KCTD1: variants seen among roughly 807,000 people sequenced by gnomAD.
KCTD1 encodes potassium channel tetramerization domain containing 1.
Under a neutral mutation model 66.0 loss-of-function variants are expected in KCTD1, and 24 were observed. The ratio of observed to expected loss-of-function variants is 0.36; its 90% CI spans 0.26 to 0.51. The LOEUF (loss-of-function observed/expected upper bound fraction) is 0.51. Among genes scored for constraint, KCTD1 ranks in the 20% least tolerant of loss-of-function variants. The probability of loss-of-function intolerance (pLI) is 0.95; values close to 1 mark genes in which losing one functional copy is unlikely to be tolerated. For synonymous variants in KCTD1, 511 were observed against 517.2 expected (o/e 0.99, Z 0.16); for missense variants, 943 against 1,205.2 (o/e 0.78, Z 3.22).
intron 1 of KCTD1, among the ~76,000 whole-genome samples, chr18:26,584,726 C>T (rs1048546551): frequency 2.0e-5 from 3 of 152,050 alleles, no homozygotes; most frequent in Admixed American, 6.5e-5. Context: ...AGGGGGCTCC[C>T]GACCACACTG....
upstream of KCTD1, among the ~76,000 whole-genome samples, chr18:26,632,037 G>A (rs1438923326): frequency 6.6e-6 from 1 of 151,410 alleles, no homozygotes; most frequent in East Asian, 1.9e-4. Context: ...GTGACAGAGT[G>A]AGACTCCGTC....
At chr18:26,545,489 G>A (rs1985169130) in intron 1 of KCTD1, 1 of 152,094 alleles carries the variant, frequency 6.6e-6, no homozygotes, top group African/African-American at 2.4e-5. Context: ...CCATTAGCTG[G>A]TAAACGTTTG....
rs200667773 is a variant in KCTD1 at position 26,556,653 on chromosome 18, G to A, written c.-15-55403C>T. On this transcript the variant is annotated intron_variant, in intron 1 of 4. Transcript: ENST00000317932. ...AACGTTTAGTGAATGCTTGCTGTGG[G>A]CCTAGGTTTTTACATTAACACTCTC... is the stretch of plus-strand genomic sequence containing the variant. 6.6e-5 allele frequency among the ~76,000 whole-genome samples: 10 copies of A among 152,258 alleles called. No individual in the cohort carries two copies. The East Asian group carries it at 1.9e-3, about 29-fold the overall frequency.
At chr18:26,578,062 T>TTTCTTTC (rs1567999120) in intron 1 of KCTD1, among the ~76,000 whole-genome samples, 1 of 145,520 alleles carries the variant, frequency 6.9e-6, no homozygotes, top group Admixed American at 6.8e-5. Context: ...TCTTTCTTTT[T>TTTCTTTC]TTTTTTTTTT....
At chr18:26,629,734 T>C (rs930256510), upstream of KCTD1, among the ~76,000 whole-genome samples, 1 of 151,384 alleles carries the variant, frequency 6.6e-6, no homozygotes, top group Non-Finnish European at 1.5e-5. Context: ...CTTTTTTTTT[T>C]TTTGACAGAA....
chr18:26,625,199 T>A (rs922694583), intron 1 of KCTD1, among the ~76,000 whole-genome samples: 1 of 152,204 alleles, frequency 6.6e-6, no homozygotes, highest in African/African-American at 2.4e-5. Context: ...GACTTTGGGT[T>A]AATGCTGGAA....
chr18:26,455,847 C>T lies in KCTD1; in HGVS notation c.2494G>A (p.Gly832Arg). ...GFEIVGSCGG[G>R]VDSSQFSEYV... The stretch of plus-strand genomic sequence containing the variant: ...TCGCTGAACTGGGACGAGTCTACTC[C>T]TCCCCCACAGGAGCCCACGATTTCA... The change falls in exon 5 of 5, where the codon GGA becomes AGA. Residue 832 changes from glycine to arginine, a missense_variant. Physicochemically the swap from Gly to Arg is moderately radical, Grantham distance 125. Transcript: ENST00000580059. 6.2e-7 allele frequency: 1 copy of T among 1,614,162 alleles called. No individual in the cohort carries two copies. Among genetic ancestry groups the T allele is most frequent in the Non-Finnish European group, 8.5e-7 (1 of 1,179,994 alleles).
At chr18:26,604,342 G>A (rs1986964552) in intron 1 of KCTD1, among the ~76,000 whole-genome samples, 1 of 152,166 alleles carries the variant, frequency 6.6e-6, no homozygotes, top group African/African-American at 2.4e-5. Flanking sequence ...ATTGTGGAAA[G>A]CAGTATGGCA....
At chr18:26,545,403 G>A (rs79992243) in intron 1 of KCTD1, 1 of 152,174 alleles carries the variant, frequency 6.6e-6, no homozygotes, top group African/African-American at 2.4e-5. Context: ...TAGCCTACAG[G>A]TCTTGTGTAT....
At chr18:26,491,118 A>T (rs1982177100) in intron 2 of KCTD1, among the ~76,000 whole-genome samples, 1 of 152,154 alleles carries the variant, frequency 6.6e-6, no homozygotes, top group Admixed American at 6.5e-5. Context: ...GAGTGTATGC[A>T]TGCATGCGTG....
rs1567989013 is a variant in KCTD1, at chr18:26,547,515, T to C, written c.1022A>G (p.Asp341Gly). 3 of 1,551,520 alleles carry C rather than the reference T, an allele frequency of 1.9e-6. No individual in the cohort carries two copies. The highest frequency in any genetic ancestry group is 2.6e-6 in the Non-Finnish European group (3 of 1,146,978). The change falls in exon 1 of 5, where the codon GAC (aspartate) becomes GGC (glycine). Residue 341 changes from aspartate to glycine, a missense_variant. Transcript: ENST00000580059. ...EDSFGLAMDE[D>G]GRKFVYFKSL... ...CTTGAAGTAGACGAACTTGCGACCG[T>C]CCTCGTCCATGGCCAGCCCAAAAGA... is the stretch of plus-strand genomic sequence containing the variant.
chr18:26,617,849 AAGGGAGGGAGGG>A (rs56029109), intron 1 of KCTD1, among the ~76,000 whole-genome samples: 66,461 of 104,422 alleles, frequency 0.64, 20,520 homozygotes, highest in Middle Eastern at 0.76. Context: ...GGAAGGAAGG[AAGGGAGGGAGGG>A]AGGGAGGGAG....
rs1050124118 is a variant in KCTD1 at position 26,599,469 on chromosome 18, G to A, written c.-16+29678C>T. 36 of 1,610,626 alleles carry A rather than the reference G, an allele frequency of 2.2e-5. No homozygotes were observed. In the African/African-American group the frequency reaches 4.4e-4, roughly 20 times the overall value. Reference sequence around the variant, plus strand: ...AGTGGTCTGGGATAAGTCATCCCCAGTGGAGGCTCTGAAAGGTCTGGTGGA... The same window carrying A: ...AGTGGTCTGGGATAAGTCATCCCCAATGGAGGCTCTGAAAGGTCTGGTGGA... On this transcript the variant is annotated intron_variant, in intron 1 of 4. Coordinates refer to the KCTD1 transcript ENST00000317932.
Position 26,548,514 on chromosome 18 carries a change from C to T in KCTD1, c.23G>A (p.Gly8Glu). 8.0e-7 allele frequency: 1 copy of T among 1,243,712 alleles called. No individual in the cohort carries two copies. The highest frequency in any genetic ancestry group is 1.0e-6 in the Non-Finnish European group (1 of 999,572). The allele number at this position is 1,243,712 out of a possible 1,614,324, so 77.0% of individuals were successfully genotyped here. Residue 8 changes from glycine to glutamate, a missense_variant, in exon 1 of 5, where the codon GGG (glycine) becomes GAG (glutamate). Around this residue, in one of 10 missense-constraint regions of KCTD1, gnomAD observed 236 missense variants for 206.6 expected, o/e 1.14. Coordinates refer to ENST00000580059, the MANE Select transcript of KCTD1 (RefSeq NM_001142730.3). MARMPGS[G>E]DCNTSAGGSA... The stretch of plus-strand genomic sequence containing the variant: ...GCCGCCCGCGCTGGTGTTACAGTCC[C>T]CGCTGCCAGGCATTCTCGCCATATT...
intron 1 of KCTD1, among the ~76,000 whole-genome samples, chr18:26,654,220 C>T (rs901783776): frequency 6.6e-6 from 1 of 152,136 alleles, no homozygotes; most frequent in Non-Finnish European, 1.5e-5. Flanking sequence ...ATTACTCTTA[C>T]ATTTAAAAAC....
intron 1 of KCTD1, among the ~76,000 whole-genome samples, chr18:26,611,922 G>C (rs959909505): frequency 6.6e-6 from 1 of 152,146 alleles, no homozygotes; most frequent in Non-Finnish European, 1.5e-5. Context: ...AGATTTGTTA[G>C]GTGGCTCTGG....
chr18:26,495,871 A>G (rs776237165), intron 2 of KCTD1, among the ~76,000 whole-genome samples: 15 of 152,230 alleles, frequency 9.9e-5, no homozygotes, highest in Non-Finnish European at 1.3e-4. Context: ...GGTTTTAAAA[A>G]TGGTTATCCA....
chr18:26,467,159 A>G (rs1470493474), intron 3 of KCTD1, among the ~76,000 whole-genome samples: 1 of 147,184 alleles, frequency 6.8e-6, no homozygotes, highest in Non-Finnish European at 1.5e-5. Context: ...TGGTTTGTCT[A>G]TATTTTTAAA....
intron 1 of KCTD1, among the ~76,000 whole-genome samples, chr18:26,615,178 C>A (rs149910542): frequency 6.6e-6 from 1 of 152,302 alleles, no homozygotes; most frequent in Middle Eastern, 3.4e-3. Flanking sequence ...AACTGCCCCC[C>A]ATCCCTTCCC....
Sources: gnomAD v4.1 joint callset for allele counts (sites outside exome capture counted in the v4.1 genomes callset) on GRCh38, gnomAD v4.1.1 for gene constraint, gnomAD v4.1.1 regional missense constraint, MANE v1.5 for transcripts, NCBI Gene and HGNC (gene_info 2026-07-23, HGNC 2026-07-21) for gene names.